The following DGKB variants were observed in gnomAD, a reference collection of about 807,000 sequenced individuals.
The protein encoded by DGKB is diacylglycerol kinase beta, also known as 90 kDa diacylglycerol kinase.
DGKB carries 67 observed loss-of-function variants against 114.3 expected under a neutral mutation model. The observed-to-expected ratio is 0.59, with a 90% CI of 0.48 to 0.72. The LOEUF is 0.72. Among genes scored for constraint, DGKB ranks in the 30% least tolerant of loss-of-function variants. The pLI is 0.00. For missense variants in DGKB, 907 were observed against 975.2 expected (o/e 0.93, Z 0.93); for synonymous variants, 398 against 323.1 (o/e 1.23, Z -2.49).
chr7:14,408,103 G>A (rs12674246), intron 21 of DGKB, among the ~76,000 whole-genome samples: 13,262 of 152,104 alleles, frequency 0.087, 1,111 homozygotes, highest in East Asian at 0.46. Context: ...ATCAAACACA[G>A]TTATGAAGAA....
At chr7:14,450,727 A>C (rs1209720123) in intron 21 of DGKB, among the ~76,000 whole-genome samples, 2 of 152,066 alleles carry the variant, frequency 1.3e-5, no homozygotes, top group Non-Finnish European at 2.9e-5. Context: ...ATGGAAGTAG[A>C]AAGTAGCAAA....
intron 13 of DGKB, among the ~76,000 whole-genome samples, chr7:14,653,942 A>G (rs555263766): frequency 1.2e-4 from 18 of 152,136 alleles, no homozygotes. Context: ...TGAACAGAGA[A>G]AAGCTTAAAG....
rs115586766 is a variant in DGKB at position 14,484,176 on chromosome 7, A to G, written c.1771-5951T>C. On this transcript the variant is annotated intron_variant, in intron 20 of 25. Coordinates refer to ENST00000402815, the MANE Select transcript of DGKB (RefSeq NM_001350709.2). ...AGAATCTATAACTTAGCAAAAAGGC[A>G]TAAGAGCACATTAGAATAGGCATAG... Among the ~76,000 whole-genome samples, 830 of 152,278 alleles carry G rather than the reference A, an allele frequency of 5.5e-3. 6 individuals are homozygous for G. The highest frequency in any genetic ancestry group is 0.019 in the African/African-American group (798 of 41,556).
chr7:14,639,439 AG>A (rs1405445466), intron 13 of DGKB, among the ~76,000 whole-genome samples: 3 of 152,210 alleles, frequency 2.0e-5, no homozygotes, highest in African/African-American at 7.2e-5. Flanking sequence ...AGCTCAAAGC[AG>A]ATCCTTTGCT....
At chr7:14,793,034 A>C (rs993871583) in intron 2 of DGKB, among the ~76,000 whole-genome samples, 1 of 152,170 alleles carries the variant, frequency 6.6e-6, no homozygotes, top group Non-Finnish European at 1.5e-5. Context: ...GTCTGAGGCA[A>C]AATCACCAAA....
intron 17 of DGKB, among the ~76,000 whole-genome samples, chr7:14,593,263 T>G (rs1801993683): frequency 6.6e-6 from 1 of 151,928 alleles, no homozygotes; most frequent in Non-Finnish European, 1.5e-5. Flanking sequence ...AAAGAGAGCA[T>G]GAGACACAGA....
intron 23 of DGKB, among the ~76,000 whole-genome samples, chr7:14,266,068 C>G (rs1797476361): frequency 1.3e-5 from 2 of 152,124 alleles, no homozygotes; most frequent in African/African-American, 4.8e-5. Context: ...AAAAGGCAAC[C>G]TTTTCTGTGG....
intron 23 of DGKB, among the ~76,000 whole-genome samples, chr7:14,332,875 G>T (rs568070358): frequency 5.3e-4 from 81 of 152,120 alleles, no homozygotes; most frequent in African/African-American, 1.9e-3. Flanking sequence ...ATAAACTTTT[G>T]CATGATGGGT....
intron 15 of DGKB, among the ~76,000 whole-genome samples, chr7:14,619,935 A>G (rs6956742): frequency 0.56 from 84,596 of 151,368 alleles, 25,074 homozygotes; most frequent in Admixed American, 0.69. Context: ...GTGAAATACA[A>G]TTAGATTTCA....
At chr7:14,266,368 C>T (rs532761389) in intron 23 of DGKB, among the ~76,000 whole-genome samples, 52 of 152,124 alleles carry the variant, frequency 3.4e-4, no homozygotes, top group African/African-American at 9.9e-4. Flanking sequence ...AGCCAAATAT[C>T]TCAAAAATCC....
chr7:14,606,688 A>G (rs1378227922), intron 17 of DGKB, among the ~76,000 whole-genome samples: 1 of 152,054 alleles, frequency 6.6e-6, no homozygotes, highest in Non-Finnish European at 1.5e-5. Context: ...GACAGAAAGA[A>G]AAGAGGTCAA....
chr7:14,436,513 T>C (rs1234001303), intron 21 of DGKB, among the ~76,000 whole-genome samples: 1 of 152,106 alleles, frequency 6.6e-6, no homozygotes, highest in Non-Finnish European at 1.5e-5. Flanking sequence ...TATTTTGGTA[T>C]GCTGTCCACT....
intron 25 of DGKB, among the ~76,000 whole-genome samples, chr7:14,162,680 A>C (rs12699571): frequency 0.45 from 68,699 of 152,034 alleles, 15,621 homozygotes; most frequent in East Asian, 0.52. Context: ...GAAAAACTTA[A>C]ATTCATTGAA....
intron 20 of DGKB, among the ~76,000 whole-genome samples, chr7:14,565,172 C>T (rs1489998152): frequency 6.6e-6 from 1 of 152,062 alleles, no homozygotes; most frequent in East Asian, 1.9e-4. Flanking sequence ...GGGCTTTACC[C>T]TCTTTTTCTA....
chr7:14,787,916 C>T (rs1840123153), intron 2 of DGKB, among the ~76,000 whole-genome samples: 1 of 151,276 alleles, frequency 6.6e-6, no homozygotes, highest in Non-Finnish European at 1.5e-5. Context: ...GAGGAAACTC[C>T]CTCTCACCCA....
intron 21 of DGKB, among the ~76,000 whole-genome samples, chr7:14,391,607 G>A (rs1426014175): frequency 6.6e-6 from 1 of 152,074 alleles, no homozygotes; most frequent in African/African-American, 2.4e-5. Context: ...GCTGAGGTGA[G>A]AGGATCACTT....
intron 13 of DGKB, among the ~76,000 whole-genome samples, chr7:14,659,061 C>G (rs1315056369): frequency 4.6e-5 from 7 of 151,898 alleles, no homozygotes; most frequent in Non-Finnish European, 8.8e-5. Context: ...CTAATGTTCT[C>G]CCTCCCCTAA....
chr7:14,487,386 C>A, intron 20 of DGKB, among the ~76,000 whole-genome samples: 1 of 152,038 alleles, frequency 6.6e-6, no homozygotes, highest in South Asian at 2.1e-4. Flanking sequence ...TTAAAAAAGC[C>A]AAGATGAATC....
At chr7:14,156,092 AAAG>A (rs1782979459) in intron 25 of DGKB, among the ~76,000 whole-genome samples, 1 of 152,108 alleles carries the variant, frequency 6.6e-6, no homozygotes, top group Admixed American at 6.6e-5. Flanking sequence ...AGAAAAACTG[AAAG>A]AAGTGCTATC....
Sources: allele counts gnomAD v4.1 joint callset (sites outside exome capture counted in the v4.1 genomes callset), GRCh38; gene constraint gnomAD v4.1.1; transcripts MANE v1.5; gene names NCBI Gene and HGNC (gene_info 2026-07-23, HGNC 2026-07-21).